The following LRP6 variants were observed in gnomAD, a reference collection of about 807,000 sequenced individuals.
LRP6 encodes the protein LDL receptor related protein 6, also known as low-density lipoprotein receptor-related protein 6.
Under a neutral mutation model 184.1 loss-of-function variants are expected in LRP6, and 43 were observed. That is an observed-to-expected ratio of 0.23 (90% CI 0.18 to 0.30). The LOEUF (loss-of-function observed/expected upper bound fraction) is 0.30, where lower values mean the gene tolerates loss of function less well. Among genes scored for constraint, LRP6 ranks in the 10% least tolerant of loss-of-function variants. The pLI, the probability that LRP6 is intolerant of heterozygous loss-of-function variation, is 1.00. For synonymous variants in LRP6, 719 were observed against 684.9 expected, an observed-to-expected ratio of 1.05 and a Z score of -0.78; for missense variants, 1,571 against 2,005.3, an observed-to-expected ratio of 0.78 and a Z score of 4.14.
chr12:12,261,131 T>G (rs890312003), intron 1 of LRP6, among the ~76,000 whole-genome samples: 1 of 151,976 alleles, frequency 6.6e-6, no homozygotes, highest in Non-Finnish European at 1.5e-5. Context: ...TCTTAAAAAT[T>G]GAATCATGGC....
chr12:12,145,973 GTATACACAGTGTA>G (rs1344928190), intron 15 of LRP6, among the ~76,000 whole-genome samples: 1 of 151,932 alleles, frequency 6.6e-6, no homozygotes, highest in Non-Finnish European at 1.5e-5. Context: ...CATACACTGT[GTATACACAGTGTA>G]TATACTATAC....
intron 3 of LRP6, among the ~76,000 whole-genome samples, chr12:12,196,304 TAA>T (rs1472686979): frequency 6.6e-6 from 1 of 152,102 alleles, no homozygotes. Flanking sequence ...ATTTTAACTA[TAA>T]TAATTATTCC....
In LRP6 at chr12:12,124,685, A is replaced by G. The variant is rs746527683; in HGVS notation, c.4450-23T>C. 41 of 1,406,656 alleles carry G rather than the reference A, an allele frequency of 2.9e-5. No individual in the cohort carries two copies. In the South Asian group the frequency reaches 4.7e-4, roughly 16 times the overall value. 87.1% of individuals were successfully genotyped at this position (1,406,656 alleles called of 1,614,324 possible). ...AATCTAAAAGAAAAAAATAATTAAA[A>G]TATTAAAATAACAACATAGAAACTA... On this transcript the variant is annotated intron_variant, in intron 21 of 22. Coordinates refer to ENST00000261349, the MANE Select transcript of LRP6 (RefSeq NM_002336.3).
Position 12,117,534 on chromosome 12 carries a change from A to T in LRP6, c.*3592T>A, listed in dbSNP as rs1317653799. The T allele has an allele frequency of 1.3e-5, 2 of 152,274 alleles. No homozygotes were observed. Among genetic ancestry groups the T allele is most frequent in the African/African-American group, 4.8e-5 (2 of 41,472 alleles). The allele number at this position is 152,274 out of a possible 1,614,324, so 9.4% of individuals were successfully genotyped here. A position where few individuals can be genotyped will look rare whatever the true frequency, so the allele number is the denominator to read the frequency against. On this transcript the variant is annotated 3_prime_UTR_variant, in exon 23 of 23. Transcript: ENST00000261349. The stretch of plus-strand genomic sequence containing the variant: ...GAAGTGGGACAAAGCTTCCCCTACA[A>T]GAAATAAAACAATTCAAAATATGAC...
chr12:12,194,275 G>T lies in LRP6; in HGVS notation c.648-7156C>A, dbSNP rs550637870. On this transcript the variant is annotated intron_variant, in intron 3 of 22. Coordinates refer to ENST00000261349, the MANE Select transcript of LRP6 (RefSeq NM_002336.3). ...TTTTTAATCTTTTTTAAAAAATAAA[G>T]CCAATACAGAGAAAAACATACAAAA... 2.6e-5 allele frequency among the ~76,000 whole-genome samples: 4 copies of T among 151,650 alleles called. No homozygotes were observed. The East Asian group carries it at 7.7e-4, about 29-fold the overall frequency.
intron 4 of LRP6, among the ~76,000 whole-genome samples, chr12:12,185,744 T>C (rs1863453350): frequency 6.6e-6 from 1 of 152,096 alleles, no homozygotes; most frequent in African/African-American, 2.4e-5. Flanking sequence ...TTTAAGTAGG[T>C]ATTTTATTTA....
Position 12,219,164 on chromosome 12 carries a change from A to G in LRP6, c.450-15764T>C, listed in dbSNP as rs141914786. On this transcript the variant is annotated intron_variant, in intron 2 of 22. Coordinates refer to ENST00000261349, the MANE Select transcript of LRP6 (RefSeq NM_002336.3). The stretch of plus-strand genomic sequence containing the variant: ...ACAGATTACTTGTAGGGCCCACTTT[A>G]GTTACAAATTTTATACTCTTAACTG... Among the ~76,000 whole-genome samples, 4 of 152,106 alleles carry G rather than the reference A, an allele frequency of 2.6e-5. 1 individual carries two copies. Among genetic ancestry groups the G allele is most frequent in the African/African-American group, 9.6e-5 (4 of 41,510 alleles).
chr12:12,150,760 C>G, intron 13 of LRP6, 76 bp downstream of exon 13: 1 of 1,493,410 alleles, frequency 6.7e-7, no homozygotes, highest in South Asian at 1.1e-5. Context: ...AGAGTCAAGA[C>G]TTAAGTGAAA....
At chr12:12,255,064 A>C (rs1865426942) in intron 1 of LRP6, among the ~76,000 whole-genome samples, 1 of 152,220 alleles carries the variant, frequency 6.6e-6, no homozygotes. Context: ...GCCCAATCTA[A>C]TGAGATCAAC....
chr12:12,139,606 C>T (rs1949900524), intron 15 of LRP6, among the ~76,000 whole-genome samples: 1 of 151,944 alleles, frequency 6.6e-6, no homozygotes, highest in South Asian at 2.1e-4. Context: ...CGCCTGTAGT[C>T]CAGGTACTCA....
chr12:12,173,445 T>G (rs10772536), intron 7 of LRP6, among the ~76,000 whole-genome samples: 1 of 151,948 alleles, frequency 6.6e-6, no homozygotes, highest in African/African-American at 2.4e-5. Flanking sequence ...CAGACTCAGG[T>G]GATCCTCCCA....
intron 15 of LRP6, among the ~76,000 whole-genome samples, chr12:12,140,603 A>ATCTC (rs759238761): frequency 9.5e-6 from 1 of 104,972 alleles, no homozygotes; most frequent in Non-Finnish European, 2.0e-5. Flanking sequence ...GATTTTAAAA[A>ATCTC]TCTTTTTTTT....
At chr12:12,203,744 G>GC (rs929758217) in intron 2 of LRP6, among the ~76,000 whole-genome samples, 68 of 152,102 alleles carry the variant, frequency 4.5e-4, no homozygotes, top group African/African-American at 1.6e-3. Flanking sequence ...CTCCAGCCTG[G>GC]CAACAGAGCA....
At chr12:12,155,026 T>C (rs1285765138) in intron 12 of LRP6, among the ~76,000 whole-genome samples, 5 of 152,014 alleles carry the variant, frequency 3.3e-5, no homozygotes, top group Non-Finnish European at 7.4e-5. Context: ...TGAAATCCCG[T>C]CTCCACTAAA....
intron 18 of LRP6, among the ~76,000 whole-genome samples, chr12:12,131,577 T>C (rs1226476703): frequency 6.6e-6 from 1 of 152,224 alleles, no homozygotes. Context: ...ACTATTTTTA[T>C]ATACTGAAGG....
At chr12:12,173,666 G>A (rs1376126952) in intron 7 of LRP6, among the ~76,000 whole-genome samples, 1 of 151,756 alleles carries the variant, frequency 6.6e-6, no homozygotes, top group Non-Finnish European at 1.5e-5. Flanking sequence ...TGTAGAGCCG[G>A]GGATCTCACT....
chr12:12,142,434 C>A (rs1949946782), intron 15 of LRP6, among the ~76,000 whole-genome samples: 1 of 151,896 alleles, frequency 6.6e-6, no homozygotes, highest in Non-Finnish European at 1.5e-5. Flanking sequence ...CTTATTTATT[C>A]AACAAACTAA....
At chr12:12,263,904 A>T (rs938201541) in intron 1 of LRP6, among the ~76,000 whole-genome samples, 2 of 151,980 alleles carry the variant, frequency 1.3e-5, no homozygotes, top group Middle Eastern at 3.4e-3. Flanking sequence ...TAATCCCAGC[A>T]CTTTGAGAGG....
chr12:12,171,573 G>A (rs559213459), intron 7 of LRP6, among the ~76,000 whole-genome samples: 4 of 150,026 alleles, frequency 2.7e-5, no homozygotes, highest in South Asian at 2.1e-4. Flanking sequence ...ATAAATAAAC[G>A]CTATTATCAT....
Sources: gnomAD v4.1 joint callset for allele counts (sites outside exome capture counted in the v4.1 genomes callset) on GRCh38, gnomAD v4.1.1 for gene constraint, MANE v1.5 for transcripts, NCBI Gene and HGNC (gene_info 2026-07-23, HGNC 2026-07-21) for gene names.